Variants in TMTC2 observed in about 807,000 individuals in gnomAD.
The protein encoded by TMTC2 is protein O-mannosyl-transferase TMTC2.
Under a neutral mutation model 82.4 loss-of-function variants are expected in TMTC2, and 43 were observed. The ratio of observed to expected loss-of-function variants is 0.52; its 90% CI spans 0.41 to 0.67. The LOEUF is 0.67. Ranked by LOEUF, TMTC2 falls within the 30% of genes least tolerant of loss-of-function variation. The pLI is 0.00. For synonymous variants in TMTC2, 408 were observed against 381.9 expected (o/e 1.07, Z -0.80); for missense variants, 919 against 1,012.4 (o/e 0.91, Z 1.25).
chr12:82,819,460 T>C (rs1010115989), intron 1 of TMTC2, among the ~76,000 whole-genome samples: 11 of 151,730 alleles, frequency 7.2e-5, no homozygotes, highest in Non-Finnish European at 1.5e-4. Flanking sequence ...TAGACACTGT[T>C]GTTCATGATC....
chr12:82,865,476 A>G (rs1287220900), intron 2 of TMTC2, among the ~76,000 whole-genome samples: 1 of 152,218 alleles, frequency 6.6e-6, no homozygotes. Context: ...CTAAATATAT[A>G]TGTACCCAAT....
chr12:83,024,214 C>A (rs1396470972), intron 8 of TMTC2, among the ~76,000 whole-genome samples: 2 of 152,134 alleles, frequency 1.3e-5, no homozygotes, highest in African/African-American at 4.8e-5. Flanking sequence ...CAGAATGTCA[C>A]ATGTAACACA....
At chr12:82,879,081 A>G (rs1163003394) in intron 2 of TMTC2, among the ~76,000 whole-genome samples, 1 of 152,094 alleles carries the variant, frequency 6.6e-6, no homozygotes, top group Non-Finnish European at 1.5e-5. Flanking sequence ...TATAGATACA[A>G]ATTTTTGACC....
intron 1 of TMTC2, among the ~76,000 whole-genome samples, chr12:82,792,454 T>G (rs567614817): frequency 6.6e-6 from 1 of 151,878 alleles, no homozygotes; most frequent in South Asian, 2.1e-4. Context: ...CTCAATGGTT[T>G]TTTGTTTGTT....
intron 1 of TMTC2, among the ~76,000 whole-genome samples, chr12:82,830,828 G>A (rs945120348): frequency 7.2e-5 from 11 of 152,106 alleles, no homozygotes; most frequent in Non-Finnish European, 1.5e-4. Flanking sequence ...TCAGAATGCT[G>A]CTTAGCTTAA....
intron 1 of TMTC2, among the ~76,000 whole-genome samples, chr12:82,844,611 C>A (rs899913570): frequency 6.6e-6 from 1 of 151,742 alleles, no homozygotes; most frequent in Non-Finnish European, 1.5e-5. Context: ...ACCATCCTGG[C>A]TAACACAGAG....
At chr12:82,996,057 A>G (rs1879603054) in intron 8 of TMTC2, among the ~76,000 whole-genome samples, 1 of 152,198 alleles carries the variant, frequency 6.6e-6, no homozygotes, top group Non-Finnish European at 1.5e-5. Flanking sequence ...ACCTTCATTC[A>G]GTTTTTAGAT....
intron 8 of TMTC2, among the ~76,000 whole-genome samples, chr12:83,021,180 T>G (rs1880904990): frequency 6.6e-6 from 1 of 152,306 alleles, no homozygotes; most frequent in Non-Finnish European, 1.5e-5. Context: ...TGCAAGTCTT[T>G]TTCTTTTGCT....
rs58399725 is a variant in TMTC2, at chr12:82,828,211, C to CTTTT, written c.84-28782_84-28779dup. ...CCTGGCCCTTTTGCTTTTTCTTTGG[C>CTTTT]TTTTTTTTTTTTTTTTTTTTCTGAG... On this transcript the variant is annotated intron_variant, in intron 1 of 11. Transcript: ENST00000321196. Among the ~76,000 whole-genome samples, 167 of 109,654 alleles carry CTTTT rather than the reference C, an allele frequency of 1.5e-3. 4 individuals are homozygous for CTTTT. The highest frequency in any genetic ancestry group is 5.9e-3 in the African/African-American group (160 of 27,292). 71.9% of individuals were successfully genotyped at this position (109,654 alleles called of 152,430 possible).
chr12:82,997,917 A>G (rs1204465922), intron 8 of TMTC2, among the ~76,000 whole-genome samples: 2 of 152,270 alleles, frequency 1.3e-5, no homozygotes, highest in South Asian at 2.1e-4. Context: ...TATTCATCAT[A>G]TGAAACAGGT....
At chr12:82,882,146 C>T (rs1872859369) in intron 2 of TMTC2, among the ~76,000 whole-genome samples, 1 of 149,184 alleles carries the variant, frequency 6.7e-6, no homozygotes, top group South Asian at 2.1e-4. Flanking sequence ...ACTACAGGCG[C>T]CCGCCACTAC....
chr12:83,021,778 G>T (rs771636058), intron 8 of TMTC2: 1 of 152,034 alleles, frequency 6.6e-6, no homozygotes, highest in Non-Finnish European at 1.5e-5. Context: ...TCTCCCTACA[G>T]ACAGTTTTCC....
intron 11 of TMTC2, among the ~76,000 whole-genome samples, chr12:83,075,612 A>G (rs996422745): frequency 6.6e-6 from 1 of 152,172 alleles, no homozygotes; most frequent in Non-Finnish European, 1.5e-5. Flanking sequence ...TCAAATACAT[A>G]TTCTACTTCA....
At chr12:82,836,246 G>C (rs1411128242) in intron 1 of TMTC2, among the ~76,000 whole-genome samples, 1 of 152,184 alleles carries the variant, frequency 6.6e-6, no homozygotes, top group Non-Finnish European at 1.5e-5. Flanking sequence ...GCCTTCCAAA[G>C]ATATCCACAT....
chr12:83,005,035 C>T (rs1682588), intron 8 of TMTC2, among the ~76,000 whole-genome samples: 115,245 of 150,326 alleles, frequency 0.77, 45,668 homozygotes, highest in South Asian at 0.93. Context: ...GAAACACTGT[C>T]TCTACTAAAA....
At chr12:82,914,827 T>A (rs866640874) in intron 3 of TMTC2, among the ~76,000 whole-genome samples, 1,670 of 145,468 alleles carry the variant, frequency 0.011, 20 homozygotes, top group African/African-American at 0.041. Flanking sequence ...ATTTTTTTTT[T>A]TTTTTTTTTT....
chr12:82,854,360 C>A (rs1036176085), intron 1 of TMTC2, among the ~76,000 whole-genome samples: 1 of 152,156 alleles, frequency 6.6e-6, no homozygotes, highest in African/African-American at 2.4e-5. Flanking sequence ...AATCTTACTG[C>A]TCTGCTCTCT....
At chr12:82,755,386 A>C (rs1402829064) in intron 1 of TMTC2, among the ~76,000 whole-genome samples, 2 of 152,086 alleles carry the variant, frequency 1.3e-5, no homozygotes. Flanking sequence ...GGCTGCTCAC[A>C]CCCCAACCCA....
intron 2 of TMTC2, among the ~76,000 whole-genome samples, chr12:82,863,690 T>C (rs1010267791): frequency 3.3e-5 from 5 of 152,180 alleles, no homozygotes; most frequent in African/African-American, 1.2e-4. Flanking sequence ...GCATCTATAA[T>C]GCCTGCATTA....
Sources: allele counts gnomAD v4.1 joint callset (sites outside exome capture counted in the v4.1 genomes callset), GRCh38; gene constraint gnomAD v4.1.1; transcripts MANE v1.5; gene names NCBI Gene and HGNC (gene_info 2026-07-23, HGNC 2026-07-21).